Variants in LRRN1 observed in about 807,000 individuals in gnomAD.
LRRN1 encodes leucine rich repeat neuronal 1.
Under a neutral mutation model 45.8 loss-of-function variants are expected in LRRN1, and 14 were observed. The observed-to-expected ratio is 0.31, with a 90% CI of 0.20 to 0.48. LRRN1 has a LOEUF of 0.48. Among genes scored for constraint, LRRN1 ranks in the 20% least tolerant of loss-of-function variants. LRRN1 has a pLI of 0.99. For missense variants in LRRN1, 789 were observed against 874.2 expected (o/e 0.90, Z 1.23); for synonymous variants, 359 against 330.1 (o/e 1.09, Z -0.95).
intron 1 of LRRN1, among the ~76,000 whole-genome samples, chr3:3,838,758 C>T (rs553192793): frequency 6.6e-6 from 1 of 152,146 alleles, no homozygotes; most frequent in East Asian, 1.9e-4. Flanking sequence ...TTTTTATTTG[C>T]ATTTCTCTTA....
chr3:3,828,048 C>T (rs934230132), intron 1 of LRRN1, among the ~76,000 whole-genome samples: 80 of 151,502 alleles, frequency 5.3e-4, no homozygotes, highest in African/African-American at 1.9e-3. Context: ...GATAGGGTTC[C>T]AGAGGTTCAA....
chr3:3,815,333 A>G (rs1692965650), intron 1 of LRRN1, among the ~76,000 whole-genome samples: 1 of 152,160 alleles, frequency 6.6e-6, no homozygotes, highest in African/African-American at 2.4e-5. Flanking sequence ...CTGACTCAGA[A>G]TACCACTGCT....
chr3:3,804,639 T>C (rs78474485), intron 1 of LRRN1, among the ~76,000 whole-genome samples: 2 of 152,210 alleles, frequency 1.3e-5, no homozygotes, highest in African/African-American at 4.8e-5. Context: ...CCGATTAATA[T>C]AAATGAGTTG....
chr3:3,845,928 C>G lies in LRRN1; in HGVS notation c.1287C>G (p.Asp429Glu). 4 of 1,614,108 alleles carry G rather than the reference C, an allele frequency of 2.5e-6. No homozygotes were observed. The highest frequency in any genetic ancestry group is 3.4e-6 in the Non-Finnish European group (4 of 1,179,986). Residue 429 changes from aspartate (D) to glutamate (E), a missense_variant, in exon 2 of 2, where the codon GAC (aspartate) becomes GAG (glutamate). Transcript: ENST00000319331. The surrounding 1 kb of genome is among the most constrained non-coding windows in gnomAD (Gnocchi z 6.5). Reference protein sequence around the residue: ...SEQCLPMISHDSFPNRLNVDI... With the variant: ...SEQCLPMISHESFPNRLNVDI... The stretch of plus-strand genomic sequence containing the variant: ...AGTGCCTCCCAATGATATCTCACGA[C>G]AGCTTCCCAAATCGTTTAAACGTGG...
In LRRN1 at chr3:3,844,960, T is replaced by G; in HGVS notation, c.319T>G (p.Phe107Val). Residue 107 changes from phenylalanine (F) to valine (V), a missense_variant, in exon 2 of 2, where the codon TTT becomes GTT. Phe to Val is a conservative substitution (Grantham distance 50). Transcript: ENST00000319331. ...TGAACTAGATTTCTCCCAAAACAACTTTACTAACATTAAGGAGGTCGGGCT... is the reference window on the plus strand; with the variant it reads ...TGAACTAGATTTCTCCCAAAACAACGTTACTAACATTAAGGAGGTCGGGCT... ...LTELDFSQNN[F>V]TNIKEVGLAN... 1 of 1,614,044 alleles carries G rather than the reference T, an allele frequency of 6.2e-7. No individual in the cohort carries two copies. The highest frequency in any genetic ancestry group is 8.5e-7 in the Non-Finnish European group (1 of 1,179,992).
chr3:3,846,260 T>A lies in LRRN1; in HGVS notation c.1619T>A (p.Leu540Ter). The A allele has an allele frequency of 6.2e-7, 1 of 1,614,040 alleles. No individual in the cohort carries two copies. The highest frequency in any genetic ancestry group is 8.5e-7 in the Non-Finnish European group (1 of 1,180,004). The change falls in exon 2 of 2, where the codon TTA (leucine) becomes TAA (stop). Residue 540 changes from leucine (L) to a stop codon, truncating the protein, a stop_gained. Transcript: ENST00000319331. LOFTEE classifies it high-confidence loss of function. The surrounding 1 kb of genome is among the most constrained non-coding windows in gnomAD (Gnocchi z 5.7). ...YVKQTESHSILVSWKVNSNVM... is the reference protein window; with the variant it reads ...YVKQTESHSI ...AAGCAGACAGAATCCCATTCCATCTTAGTGTCCTGGAAAGTTAATTCCAAT... is the reference window on the plus strand; with the variant it reads ...AAGCAGACAGAATCCCATTCCATCTAAGTGTCCTGGAAAGTTAATTCCAAT...
chr3:3,846,701 T>A lies in LRRN1; in HGVS notation c.2060T>A (p.Leu687His). 6 of 1,614,008 alleles carry A rather than the reference T, an allele frequency of 3.7e-6. No homozygotes were observed. The highest frequency in any genetic ancestry group is 5.1e-6 in the Non-Finnish European group (6 of 1,180,002). The part of the protein sequence containing the change: ...LNELYPPLIN[L>H]WEGDSEKDKD... ...GAGCTGTACCCACCACTCATTAACCTCTGGGAAGGTGACAGCGAGAAAGAC... is the reference window on the plus strand; with the variant it reads ...GAGCTGTACCCACCACTCATTAACCACTGGGAAGGTGACAGCGAGAAAGAC... Residue 687 changes from leucine (L) to histidine (H), a missense_variant, in exon 2 of 2, where the codon CTC becomes CAC. Transcript: ENST00000319331. The surrounding 1 kb of genome is among the most constrained non-coding windows in gnomAD (Gnocchi z 5.7).
Position 3,849,649 on chromosome 3 carries a change from G to A in LRRN1, c.*2857G>A, listed in dbSNP as rs1693856094. ...GTGTATCTCTAACCTGATTTTTCAA[G>A]GTTATTTTTGGAGCAGTTTCTTAAA... On this transcript the variant is annotated 3_prime_UTR_variant, in exon 2 of 2. Coordinates refer to ENST00000319331, the MANE Select transcript of LRRN1 (RefSeq NM_020873.7). 6.6e-6 allele frequency among the ~76,000 whole-genome samples: 1 copy of A among 152,056 alleles called. No homozygotes were observed.
chr3:3,839,269 G>T (rs1350050194), intron 1 of LRRN1, among the ~76,000 whole-genome samples: 1 of 152,030 alleles, frequency 6.6e-6, no homozygotes, highest in Non-Finnish European at 1.5e-5. Flanking sequence ...GTCCTTTATT[G>T]TATAGTCTTG....
chr3:3,834,835 C>G (rs556482572), intron 1 of LRRN1, among the ~76,000 whole-genome samples: 117 of 151,790 alleles, frequency 7.7e-4, no homozygotes, highest in African/African-American at 2.4e-3. Context: ...TTTATATTCA[C>G]TAGAAGCTGA....
chr3:3,838,937 T>C (rs966121868), intron 1 of LRRN1, among the ~76,000 whole-genome samples: 1 of 152,134 alleles, frequency 6.6e-6, no homozygotes, highest in Non-Finnish European at 1.5e-5. Context: ...TTTAAAAATA[T>C]TGTCTCCCAT....
In LRRN1 at chr3:3,846,737, C is replaced by T. The variant is rs920395044; in HGVS notation, c.2096C>T (p.Ser699Phe). 1 of 1,613,856 alleles carries T rather than the reference C, an allele frequency of 6.2e-7. No individual in the cohort carries two copies. Among genetic ancestry groups the T allele is most frequent in the Non-Finnish European group, 8.5e-7 (1 of 1,179,950 alleles). Reference protein sequence around the residue: ...EGDSEKDKDGSADTKPTQVDT... With the variant: ...EGDSEKDKDGFADTKPTQVDT... ...GACAGCGAGAAAGACAAAGATGGTT[C>T]TGCAGACACCAAGCCAACCCAGGTC... is the stretch of plus-strand genomic sequence containing the variant. Residue 699 changes from serine (S) to phenylalanine (F), a missense_variant, in exon 2 of 2, where the codon TCT becomes TTT. Coordinates refer to ENST00000319331, the MANE Select transcript of LRRN1 (RefSeq NM_020873.7). The surrounding 1 kb of genome is among the most constrained non-coding windows in gnomAD (Gnocchi z 5.7).
chr3:3,819,579 G>A (rs1693060021), intron 1 of LRRN1, among the ~76,000 whole-genome samples: 2 of 152,116 alleles, frequency 1.3e-5, no homozygotes, highest in Non-Finnish European at 2.9e-5. Context: ...TGGTGTTTTT[G>A]CTGTGTGTCC....
rs199753222 is a variant in LRRN1 at position 3,846,764 on chromosome 3, A to T, written c.2123A>T (p.Asp708Val). 1.2e-6 allele frequency: 2 copies of T among 1,612,148 alleles called. No homozygotes were observed. Among genetic ancestry groups the T allele is most frequent in the Non-Finnish European group, 1.7e-6 (2 of 1,179,504 alleles). The change falls in exon 2 of 2, where the codon GAC (aspartate) becomes GTC (valine). Residue 708 changes from aspartate (D) to valine (V), a missense_variant. Asp to Val is a radical substitution (Grantham distance 152, BLOSUM62 -3). Transcript: ENST00000319331. This position sits in a 1 kb window ranked among gnomAD's most constrained non-coding sequence, Gnocchi z 5.7. ...GSADTKPTQV[D>V]TSRSYYMW ...GCAGACACCAAGCCAACCCAGGTCGACACATCCAGAAGCTATTACATGTGG... is the reference window on the plus strand; with the variant it reads ...GCAGACACCAAGCCAACCCAGGTCGTCACATCCAGAAGCTATTACATGTGG...
intron 1 of LRRN1, among the ~76,000 whole-genome samples, chr3:3,812,472 G>A (rs758733878): frequency 6.6e-6 from 1 of 152,190 alleles, no homozygotes; most frequent in Non-Finnish European, 1.5e-5. Flanking sequence ...TCAACAGGGA[G>A]AAGACCAGTG....
intron 1 of LRRN1, among the ~76,000 whole-genome samples, chr3:3,832,120 C>G (rs949420173): frequency 2.6e-4 from 39 of 152,348 alleles, no homozygotes; most frequent in African/African-American, 8.2e-4. Context: ...ATGCATCTGT[C>G]TTCTGCACAG....
At chr3:3,829,549 C>T (rs781349108) in intron 1 of LRRN1, among the ~76,000 whole-genome samples, 1 of 152,184 alleles carries the variant, frequency 6.6e-6, no homozygotes, top group Non-Finnish European at 1.5e-5. Flanking sequence ...TTCTGGAGAA[C>T]TTTGCTGCAG....
intron 1 of LRRN1, among the ~76,000 whole-genome samples, chr3:3,839,640 T>C (rs1693604587): frequency 6.6e-6 from 1 of 152,172 alleles, no homozygotes; most frequent in Non-Finnish European, 1.5e-5. Flanking sequence ...TGTGTTTATA[T>C]CATCTTTGAT....
rs1024346924 is a variant in LRRN1 at position 3,816,274 on chromosome 3, G to A, written c.-279+16355G>A. Among the ~76,000 whole-genome samples, 1 of 152,088 alleles carries A rather than the reference G, an allele frequency of 6.6e-6. No homozygotes were observed. The highest frequency in any genetic ancestry group is 2.4e-5 in the African/African-American group (1 of 41,406). On this transcript the variant is annotated intron_variant, in intron 1 of 1. Transcript: ENST00000319331. The surrounding 1 kb of genome is among the most constrained non-coding windows in gnomAD (Gnocchi z 4.0). ...GTGGATTTATGGTTTCCAGGTCATC[G>A]ATGATCTGAGCACTTTGAGTATTGG...
Sources: gnomAD v4.1 joint callset for allele counts (sites outside exome capture counted in the v4.1 genomes callset) on GRCh38, gnomAD v4.1.1 for gene constraint, Gnocchi (gnomAD v3.1) non-coding constraint, MANE v1.5 for transcripts, NCBI Gene and HGNC (gene_info 2026-07-23, HGNC 2026-07-21) for gene names.